Variants in JAK1 observed in about 807,000 individuals in gnomAD.
JAK1 encodes the protein tyrosine-protein kinase JAK1.
JAK1 carries 16 observed loss-of-function variants against 136.6 expected under a neutral mutation model. That is an observed-to-expected ratio of 0.12 (90% CI 0.08 to 0.18). The LOEUF (loss-of-function observed/expected upper bound fraction) is 0.18, where lower values mean the gene tolerates loss of function less well. JAK1 is among the 10% of genes least tolerant of loss of function. The pLI, the probability that JAK1 is intolerant of heterozygous loss-of-function variation, is 1.00. For missense variants in JAK1, 859 were observed against 1,450.1 expected (o/e 0.59, Z 6.62); for synonymous variants, 492 against 519.5 (o/e 0.95, Z 0.72).
intron 1 of JAK1, among the ~76,000 whole-genome samples, chr1:65,058,963 A>G (rs1217527793): frequency 6.6e-6 from 1 of 152,196 alleles, no homozygotes; most frequent in Non-Finnish European, 1.5e-5. Flanking sequence ...TCCTGTCTTC[A>G]AAGTGCTCAT....
At chr1:65,048,756 CA>C (rs1472222242) in intron 1 of JAK1, among the ~76,000 whole-genome samples, 2 of 152,196 alleles carry the variant, frequency 1.3e-5, no homozygotes, top group Non-Finnish European at 2.9e-5. Flanking sequence ...GTTTCCCAGA[CA>C]CCTCTGTAGC....
At chr1:64,879,192 C>T (rs536703410) in intron 3 of JAK1, 44 bp from the exon 4 acceptor site, 18 of 1,610,198 alleles carry the variant, frequency 1.1e-5, no homozygotes, top group Middle Eastern at 1.7e-4. Context: ...AAGGCGGATA[C>T]ATTTGGCCAT....
intron 2 of JAK1, among the ~76,000 whole-genome samples, chr1:65,019,329 C>T (rs1646917566): frequency 1.3e-5 from 2 of 151,438 alleles, no homozygotes; most frequent in Non-Finnish European, 2.9e-5. Flanking sequence ...CAAACTGAAT[C>T]CAGCAATACA....
chr1:64,846,794 A>T (rs964519270), intron 13 of JAK1, 58 bp from the exon 14 acceptor site: 1 of 1,376,292 alleles, frequency 7.3e-7, no homozygotes, highest in Non-Finnish European at 1.0e-6. Flanking sequence ...GCTGCTCCCC[A>T]GGGGCTCTGT....
At chr1:64,933,798 G>A (rs1018295359) in intron 1 of JAK1, among the ~76,000 whole-genome samples, 10 of 152,160 alleles carry the variant, frequency 6.6e-5, no homozygotes, top group Admixed American at 2.6e-4. Context: ...CAAGCACGCC[G>A]CTGCTCTAAA....
intron 1 of JAK1, among the ~76,000 whole-genome samples, chr1:64,932,487 A>C (rs779526459): frequency 1.3e-5 from 2 of 152,226 alleles, no homozygotes; most frequent in Non-Finnish European, 2.9e-5. Flanking sequence ...AATCTAGCTA[A>C]TAAGTGTCGA....
chr1:64,893,519 C>T (rs575812989), intron 1 of JAK1, among the ~76,000 whole-genome samples: 1 of 152,302 alleles, frequency 6.6e-6, no homozygotes, highest in East Asian at 1.9e-4. Context: ...GACCTTAGGC[C>T]AGTTTCTTAA....
chr1:64,958,399 G>A lies in JAK1; in HGVS notation c.-78+7934C>T, dbSNP rs560404430. On this transcript the variant is annotated intron_variant, in intron 1 of 24. Coordinates refer to ENST00000342505, the MANE Select transcript of JAK1 (RefSeq NM_002227.4). ...AAAGATAACCCGTATACTGTGATTCGTGGACTTGCCTTAAGTTTTACAGAA... is the reference window on the plus strand; with the variant it reads ...AAAGATAACCCGTATACTGTGATTCATGGACTTGCCTTAAGTTTTACAGAA... Among the ~76,000 whole-genome samples, 275 of 152,278 alleles carry A rather than the reference G, an allele frequency of 1.8e-3. 2 individuals carry two copies. Among genetic ancestry groups the A allele is most frequent in the African/African-American group, 6.4e-3 (265 of 41,550 alleles).
At chr1:64,852,220 T>A (rs1655646449) in intron 11 of JAK1, among the ~76,000 whole-genome samples, 1 of 152,270 alleles carries the variant, frequency 6.6e-6, no homozygotes. Context: ...AGTATTCTTA[T>A]CCCCATTTTA....
chr1:64,856,890 C>A (rs1283697775), intron 10 of JAK1, among the ~76,000 whole-genome samples: 18 of 152,176 alleles, frequency 1.2e-4, no homozygotes, highest in Non-Finnish European at 2.5e-4. Flanking sequence ...TGCCAAAGGC[C>A]CCTCCGTGTC....
At chr1:64,841,224 A>G in intron 19 of JAK1, 21 bp downstream of exon 19, 1 of 1,567,936 alleles carries the variant, frequency 6.4e-7, no homozygotes, top group Non-Finnish European at 8.8e-7. Context: ...ATCAGCAGCA[A>G]GCAGCACGGG....
At chr1:64,975,054 C>A (rs970192561) in intron 2 of JAK1, among the ~76,000 whole-genome samples, 1 of 151,726 alleles carries the variant, frequency 6.6e-6, no homozygotes, top group Non-Finnish European at 1.5e-5. Flanking sequence ...GGATTACAAG[C>A]ATGTGCCACC....
chr1:64,942,830 A>G (rs17127168), intron 1 of JAK1, among the ~76,000 whole-genome samples: 7,517 of 152,206 alleles, frequency 0.049, 401 homozygotes, highest in East Asian at 0.26. Context: ...TACAGGGCAC[A>G]CTCTCAGTTG....
chr1:64,962,238 C>T (rs1646294773), intron 1 of JAK1, among the ~76,000 whole-genome samples: 1 of 152,128 alleles, frequency 6.6e-6, no homozygotes, highest in South Asian at 2.1e-4. Context: ...CAAGTATTTG[C>T]TAAATGAATA....
chr1:64,839,145 C>CAAAAAAA (rs56058898), intron 20 of JAK1, among the ~76,000 whole-genome samples: 2 of 59,870 alleles, frequency 3.3e-5, no homozygotes, highest in Non-Finnish European at 7.1e-5. Context: ...GACTCCGTCT[C>CAAAAAAA]AAAAAAAAAA....
chr1:65,012,080 A>G lies in JAK1; in HGVS notation c.-78+32400T>C, dbSNP rs368021560. Among the ~76,000 whole-genome samples the G allele has an allele frequency of 1.2e-4, 18 of 152,354 alleles. 1 individual carries two copies. The highest frequency in any genetic ancestry group is 3.3e-4 in the Admixed American group (5 of 15,300). The stretch of plus-strand genomic sequence containing the variant: ...CAGATGTTCCTGCATCTCTGATGGA[A>G]AACACAGAACCTGGCTCAGCTGAGA... On this transcript the variant is annotated intron_variant, in intron 2 of 25. Coordinates refer to the JAK1 transcript ENST00000671954.
At chr1:65,016,286 C>T (rs1027999578) in intron 2 of JAK1, among the ~76,000 whole-genome samples, 2 of 152,136 alleles carry the variant, frequency 1.3e-5, no homozygotes, top group East Asian at 1.9e-4. Context: ...AGTTGTATAA[C>T]ATTGTGGACC....
rs1284722521 is a variant in JAK1 at position 64,844,744 on chromosome 1, G to C, written c.2251+10C>G. 5 of 1,613,846 alleles carry C rather than the reference G, an allele frequency of 3.1e-6. No homozygotes were observed. The African/African-American group carries it at 5.3e-5, about 17-fold the overall frequency. ...GGGGTGGGGCCAGAGGGAAGAGAGGGGAGACACACCTTGCCTAGACAGCAC... is the reference window on the plus strand; with the variant it reads ...GGGGTGGGGCCAGAGGGAAGAGAGGCGAGACACACCTTGCCTAGACAGCAC... On this transcript the variant is annotated intron_variant, in intron 16 of 24. Transcript: ENST00000342505. This position sits in a 1 kb window ranked among gnomAD's most constrained non-coding sequence, Gnocchi z 5.7.
intron 1 of JAK1, among the ~76,000 whole-genome samples, chr1:64,959,950 G>A (rs1646252785): frequency 6.6e-6 from 1 of 152,104 alleles, no homozygotes; most frequent in Non-Finnish European, 1.5e-5. Context: ...AAATAAGCCA[G>A]GCATGGTGGT....
Sources: allele counts gnomAD v4.1 joint callset (sites outside exome capture counted in the v4.1 genomes callset), GRCh38; gene constraint gnomAD v4.1.1; non-coding constraint Gnocchi (gnomAD v3.1); transcripts MANE v1.5; gene names NCBI Gene and HGNC (gene_info 2026-07-23, HGNC 2026-07-21).